Variants in ADAMTS17 observed in about 807,000 individuals in gnomAD.
The protein encoded by ADAMTS17 is A disintegrin and metalloproteinase with thrombospondin motifs 17.
Under a neutral mutation model 141.5 loss-of-function variants are expected in ADAMTS17, and 113 were observed. The ratio of observed to expected loss-of-function variants is 0.80; its 90% CI spans 0.69 to 0.93. The LOEUF (loss-of-function observed/expected upper bound fraction) is 0.93, where lower values mean the gene tolerates loss of function less well. Ranked by LOEUF, ADAMTS17 falls within the 40% of genes least tolerant of loss-of-function variation. The pLI, the probability that ADAMTS17 is intolerant of heterozygous loss-of-function variation, is 0.00. For missense variants in ADAMTS17, 1,659 were observed against 1,517.9 expected, an observed-to-expected ratio of 1.09 and a Z score of -1.54; for synonymous variants, 768 against 630.6, an observed-to-expected ratio of 1.22 and a Z score of -3.27.
chr15:100,267,032 A>C (rs2043738720), intron 4 of ADAMTS17, among the ~76,000 whole-genome samples: 1 of 152,044 alleles, frequency 6.6e-6, no homozygotes, highest in African/African-American at 2.4e-5. Context: ...CATCTCACCC[A>C]CTAGTGCACA....
chr15:100,008,217 C>T (rs918232601), intron 18 of ADAMTS17, among the ~76,000 whole-genome samples: 14 of 152,146 alleles, frequency 9.2e-5, no homozygotes, highest in African/African-American at 3.1e-4. Context: ...GGAAACCAGG[C>T]CTGCCCAGAG....
chr15:100,304,545 G>A (rs963755136), intron 3 of ADAMTS17, among the ~76,000 whole-genome samples: 1 of 152,080 alleles, frequency 6.6e-6, no homozygotes, highest in South Asian at 2.1e-4. Context: ...TGTCTTGGGG[G>A]AAGGGTTCCA....
chr15:100,164,913 A>G (rs1284596135), intron 8 of ADAMTS17, among the ~76,000 whole-genome samples: 1 of 152,146 alleles, frequency 6.6e-6, no homozygotes, highest in Non-Finnish European at 1.5e-5. Flanking sequence ...AAGGACAATC[A>G]CTAATGACCA....
intron 20 of ADAMTS17, among the ~76,000 whole-genome samples, chr15:99,991,815 A>G (rs951332233): frequency 5.3e-5 from 8 of 152,242 alleles, no homozygotes; most frequent in Non-Finnish European, 1.5e-5. Context: ...AATGTGGCAC[A>G]TATATACCAC....
chr15:100,037,201 C>T (rs1214310647), intron 18 of ADAMTS17, among the ~76,000 whole-genome samples: 1 of 152,226 alleles, frequency 6.6e-6, no homozygotes, highest in African/African-American at 2.4e-5. Flanking sequence ...GACTTCTCGA[C>T]ATCCTCATCA....
At chr15:100,090,049 G>A (rs2035358900) in intron 15 of ADAMTS17, among the ~76,000 whole-genome samples, 1 of 151,018 alleles carries the variant, frequency 6.6e-6, no homozygotes, top group East Asian at 1.9e-4. Context: ...AATTGTGTTT[G>A]CTCTAGGATT....
rs1299506979 is a variant in ADAMTS17 at position 100,104,840 on chromosome 15, G to A, written c.2016+4149C>T. Among the ~76,000 whole-genome samples the A allele has an allele frequency of 2.0e-5, 3 of 152,106 alleles. No individual in the cohort carries two copies. The East Asian group carries it at 5.8e-4, about 29-fold the overall frequency. On this transcript the variant is annotated intron_variant, in intron 14 of 21. Coordinates refer to ENST00000268070, the MANE Select transcript of ADAMTS17 (RefSeq NM_139057.4). ...CTATACACATTCACAAATGCCACAGGAATCCAGAATGTTTCATCTTGACAA... is the reference window on the plus strand; with the variant it reads ...CTATACACATTCACAAATGCCACAGAAATCCAGAATGTTTCATCTTGACAA...
At chr15:100,277,471 T>A (rs1440740449) in intron 4 of ADAMTS17, among the ~76,000 whole-genome samples, 1 of 152,200 alleles carries the variant, frequency 6.6e-6, no homozygotes, top group Non-Finnish European at 1.5e-5. Context: ...CTCTGCCTTA[T>A]TACTACCTTA....
chr15:100,051,292 G>A (rs899423891), intron 17 of ADAMTS17, among the ~76,000 whole-genome samples: 8 of 152,142 alleles, frequency 5.3e-5, no homozygotes, highest in East Asian at 1.9e-4. Flanking sequence ...TGTCACACCC[G>A]AGATGTAATC....
chr15:100,165,527 T>TA (rs1407348179), intron 8 of ADAMTS17, among the ~76,000 whole-genome samples: 1 of 152,194 alleles, frequency 6.6e-6, no homozygotes, highest in African/African-American at 2.4e-5. Flanking sequence ...CCTCACTGCT[T>TA]AGAGCATCCA....
At chr15:100,251,196 G>T (rs2043142303) in intron 7 of ADAMTS17, among the ~76,000 whole-genome samples, 1 of 152,226 alleles carries the variant, frequency 6.6e-6, no homozygotes, top group African/African-American at 2.4e-5. Context: ...CAGCTAACCA[G>T]CTGTCACGTG....
rs565152516 is a variant in ADAMTS17, at chr15:100,159,480, C to G, written c.1182-4160G>C. ...TAAAAGTCAACTATCTTAAATTTGA[C>G]TTAGGGTTTGATTTTCTTTCTTTAA... On this transcript the variant is annotated intron_variant, in intron 8 of 21. Coordinates refer to ENST00000268070, the MANE Select transcript of ADAMTS17 (RefSeq NM_139057.4). 2.0e-5 allele frequency among the ~76,000 whole-genome samples: 3 copies of G among 152,256 alleles called. No individual in the cohort carries two copies. The East Asian group carries it at 5.8e-4, about 29-fold the overall frequency.
At chr15:100,034,615 T>C (rs900660464) in intron 18 of ADAMTS17, among the ~76,000 whole-genome samples, 2 of 152,216 alleles carry the variant, frequency 1.3e-5, no homozygotes, top group Non-Finnish European at 2.9e-5. Flanking sequence ...TTTGTGACCT[T>C]GGCCGACAAG....
chr15:100,146,886 T>C (rs1423492195), intron 10 of ADAMTS17, among the ~76,000 whole-genome samples: 1 of 152,054 alleles, frequency 6.6e-6, no homozygotes, highest in Non-Finnish European at 1.5e-5. Context: ...GAAGAGGAAA[T>C]TCCCGCCTAA....
chr15:100,044,625 T>C (rs913587074), intron 18 of ADAMTS17, among the ~76,000 whole-genome samples: 2 of 152,324 alleles, frequency 1.3e-5, no homozygotes, highest in Non-Finnish European at 2.9e-5. Flanking sequence ...TCTTTTCTTC[T>C]AATTCCAACA....
intron 18 of ADAMTS17, among the ~76,000 whole-genome samples, chr15:100,028,702 G>A (rs999303403): frequency 4.6e-5 from 7 of 152,186 alleles, no homozygotes; most frequent in East Asian, 1.9e-4. Context: ...TGGCAGCAGC[G>A]GGGCTGAGAT....
intron 15 of ADAMTS17, among the ~76,000 whole-genome samples, chr15:100,083,161 C>A (rs899951): frequency 0.33 from 50,254 of 152,000 alleles, 10,703 homozygotes; most frequent in East Asian, 0.58. Context: ...CCTGAAGCAC[C>A]TCAGGGCCTG....
chr15:100,295,295 G>T (rs965645492), intron 3 of ADAMTS17, among the ~76,000 whole-genome samples: 26 of 152,126 alleles, frequency 1.7e-4, no homozygotes, highest in Non-Finnish European at 2.4e-4. Context: ...TAACTCTGGG[G>T]CTGGCAGCCT....
intron 7 of ADAMTS17, among the ~76,000 whole-genome samples, chr15:100,217,562 G>A (rs1350250515): frequency 6.6e-6 from 1 of 152,156 alleles, no homozygotes; most frequent in African/African-American, 2.4e-5. Context: ...TCATGCCATT[G>A]CACTCCAGCC....
Sources: allele counts gnomAD v4.1 joint callset (sites outside exome capture counted in the v4.1 genomes callset), GRCh38; gene constraint gnomAD v4.1.1; transcripts MANE v1.5; gene names NCBI Gene and HGNC (gene_info 2026-07-23, HGNC 2026-07-21).